Variants in ZNF541 observed in about 807,000 individuals in gnomAD.
The protein encoded by ZNF541 is zinc finger protein 541.
ZNF541 carries 23 observed loss-of-function variants against 123.5 expected under a neutral mutation model. The observed-to-expected ratio is 0.19, with a 90% confidence interval of 0.13 to 0.26. ZNF541 has a LOEUF of 0.26. ZNF541 is among the 10% of genes least tolerant of loss of function. The probability of loss-of-function intolerance (pLI) is 1.00; values close to 1 mark genes in which losing one functional copy is unlikely to be tolerated. For synonymous variants in ZNF541, 751 were observed against 754.5 expected (o/e 1.00, Z 0.08); for missense variants, 1,612 against 1,789.9 (o/e 0.90, Z 1.79).
chr19:47,529,164 A>G (rs1969446285), intron 13 of ZNF541, 126 bp from the exon 14 acceptor site: 1 of 708,016 alleles, frequency 1.4e-6, no homozygotes, highest in South Asian at 1.8e-5. Context: ...CCAATCTCAT[A>G]AAAAACTCAA....
At chr19:47,543,685 G>A (rs1970179488) in intron 5 of ZNF541, among the ~76,000 whole-genome samples, 1 of 150,576 alleles carries the variant, frequency 6.6e-6, no homozygotes, top group African/African-American at 2.4e-5. Context: ...CTGTTGCCCA[G>A]GCTGGAGTGC....
intron 2 of ZNF541, among the ~76,000 whole-genome samples, chr19:47,569,082 C>T (rs1971377729): frequency 6.6e-6 from 1 of 151,860 alleles, no homozygotes; most frequent in Non-Finnish European, 1.5e-5. Context: ...TTTCACCTTC[C>T]TATATGGATT....
rs1370569707 is a variant in ZNF541 at position 47,540,189 on chromosome 19, T to G, written c.2609A>C (p.Lys870Thr). The G allele has an allele frequency of 2.6e-6, 4 of 1,550,794 alleles. No individual in the cohort carries two copies. The Admixed American group carries it at 5.9e-5, about 23-fold the overall frequency. ...GTCCCCCTTCACCTGCGGTTCCTGC[T>G]TCCCTCGAGGTGACGGCCACTGGTC... ...HSDQWPSPRG[K>T]QEPQVFGTEF... Residue 870 changes from lysine (K) to threonine (T), a missense_variant, in exon 7 of 17, where the codon AAG (lysine) becomes ACG (threonine). Around this residue, in one of 5 missense-constraint regions of ZNF541, gnomAD observed 1,080 missense variants for 1,013.8 expected, o/e 1.07. Transcript: ENST00000391901.
chr19:47,523,339 TAAAAAA>T (rs75366644), intron 14 of ZNF541, among the ~76,000 whole-genome samples: 5 of 105,728 alleles, frequency 4.7e-5, no homozygotes, highest in South Asian at 2.9e-4. Context: ...GCGTCTCTTT[TAAAAAA>T]AAAAAAAAAA....
Position 47,544,530 on chromosome 19 carries a change from G to A in ZNF541, c.1999C>T (p.Pro667Ser). The change falls in exon 5 of 17, where the codon CCT becomes TCT. Residue 667 changes from proline to serine, a missense_variant. Physicochemically the swap from Pro to Ser is moderately conservative, Grantham distance 74 (BLOSUM62 -1). Coordinates refer to ENST00000391901, the MANE Select transcript of ZNF541 (RefSeq NM_001277075.3). ...GAAGAGATGTCTGGATTCCTGGAAG[G>A]GTCCAGAGACGGTGCTGCAAGGGGC... is the stretch of plus-strand genomic sequence containing the variant. ...PTPLAAPSLDPSRNPDISSLA... is the reference protein window; with the variant it reads ...PTPLAAPSLDSSRNPDISSLA... 1.3e-6 allele frequency: 2 copies of A among 1,551,612 alleles called. No homozygotes were observed. The highest frequency in any genetic ancestry group is 1.7e-6 in the Non-Finnish European group (2 of 1,146,992).
chr19:47,539,599 G>T, intron 8 of ZNF541, 106 bp downstream of exon 8: 1 of 1,255,244 alleles, frequency 8.0e-7, no homozygotes, highest in Non-Finnish European at 1.0e-6. Flanking sequence ...ACCACATCCA[G>T]CCTGGAGTCA....
At chr19:47,558,403 G>A (rs1356384103) in intron 2 of ZNF541, among the ~76,000 whole-genome samples, 3 of 151,548 alleles carry the variant, frequency 2.0e-5, no homozygotes, top group Admixed American at 6.6e-5. Flanking sequence ...GCAACAGAGC[G>A]AGACTCCATC....
intron 3 of ZNF541, among the ~76,000 whole-genome samples, chr19:47,554,911 T>A (rs1970750590): frequency 6.6e-6 from 1 of 151,186 alleles, no homozygotes; most frequent in Admixed American, 6.6e-5. Flanking sequence ...CTGGCCAATA[T>A]GATGAAACCC....
chr19:47,529,572 G>A lies in ZNF541; in HGVS notation c.3481+5C>T, dbSNP rs62128692. On this transcript the variant is annotated splice_donor_5th_base_variant and intron_variant, in intron 13 of 16. Transcript: ENST00000391901. ...CAAACCAGCTCAGCAGCCTTTCCCC[G>A]TCACCTGTGTAGCGATAGTCAGCGA... 32,467 of 1,551,456 alleles carry A rather than the reference G, an allele frequency of 0.021. 501 individuals are homozygous for A. The highest frequency in any genetic ancestry group is 0.062 in the Admixed American group (3,141 of 50,972).
intron 3 of ZNF541, among the ~76,000 whole-genome samples, chr19:47,550,468 T>C (rs933259757): frequency 6.6e-6 from 1 of 152,010 alleles, no homozygotes; most frequent in Non-Finnish European, 1.5e-5. Context: ...AAGAATCAGA[T>C]GGACTAGTAG....
chr19:47,549,149 C>A lies in ZNF541; in HGVS notation c.548+96G>T, dbSNP rs1025608174. On this transcript the variant is annotated intron_variant, in intron 4 of 16. Transcript: ENST00000391901. ...CTGGAAAACCCAACAGAGGACGAGA[C>A]AGCAGGTTGATCTGGGAGAATAGGA... 5 of 1,503,116 alleles carry A rather than the reference C, an allele frequency of 3.3e-6. No homozygotes were observed. The African/African-American group carries it at 6.9e-5, about 21-fold the overall frequency. The allele number at this position is 1,503,116 out of a possible 1,614,324, so 93.1% of individuals were successfully genotyped here.
chr19:47,539,357 T>G (rs1969976757), intron 8 of ZNF541, among the ~76,000 whole-genome samples: 1 of 149,898 alleles, frequency 6.7e-6, no homozygotes, highest in South Asian at 2.1e-4. Context: ...TAGAGTGCAG[T>G]GTTGTGATCT....
At chr19:47,571,275 A>G (rs779487452) in intron 2 of ZNF541, among the ~76,000 whole-genome samples, 14 of 151,776 alleles carry the variant, frequency 9.2e-5, no homozygotes, top group Non-Finnish European at 1.8e-4. Flanking sequence ...ACCACATCCA[A>G]CTAATTTTTT....
At chr19:47,571,604 C>T (rs1255680058) in intron 2 of ZNF541, among the ~76,000 whole-genome samples, 1 of 152,214 alleles carries the variant, frequency 6.6e-6, no homozygotes, top group Non-Finnish European at 1.5e-5. Flanking sequence ...CTTCCCTTTA[C>T]CTGTGCCTTA....
rs1043813262 is a variant in ZNF541 at position 47,546,015 on chromosome 19, C to A, written c.549-35G>T. ...GACACAAGCAGGGGCGTCACCGGGG[C>A]ACCTGGGACCGGGCTTTCTGCTGTA... On this transcript the variant is annotated intron_variant, in intron 4 of 16. Coordinates refer to ENST00000391901, the MANE Select transcript of ZNF541 (RefSeq NM_001277075.3). The A allele has an allele frequency of 4.2e-6, 6 of 1,436,362 alleles. No individual in the cohort carries two copies. In the African/African-American group the frequency reaches 5.8e-5, roughly 14 times the overall value. 89.0% of individuals were successfully genotyped at this position (1,436,362 alleles called of 1,614,324 possible). A position where few individuals can be genotyped will look rare whatever the true frequency, so the allele number is the denominator to read the frequency against.
In ZNF541 at chr19:47,544,578, G is replaced by C. The variant is rs1226382443; in HGVS notation, c.1951C>G (p.Leu651Val). 3 of 1,551,260 alleles carry C rather than the reference G, an allele frequency of 1.9e-6. No homozygotes were observed. The highest frequency in any genetic ancestry group is 1.7e-6 in the Non-Finnish European group (2 of 1,146,940). Residue 651 changes from leucine (L) to valine (V), a missense_variant, in exon 5 of 17, where the codon CTG becomes GTG. Coordinates refer to ENST00000391901, the MANE Select transcript of ZNF541 (RefSeq NM_001277075.3). ...GSTRRDAKGG[L>V]KVAAVPTPLA... ...GGCGTTGGAACCGCGGCCACTTTCA[G>C]TCCCCCCTTTGCGTCTCGTCTCGTG... is the stretch of plus-strand genomic sequence containing the variant.
At position 47,545,306 on chromosome 19, in the gene ZNF541, G is replaced by A. The variant is rs550450779; in HGVS notation, c.1223C>T (p.Pro408Leu). The A allele has an allele frequency of 3.5e-4, 538 of 1,549,600 alleles. No individual in the cohort carries two copies. In the African/African-American group the frequency reaches 6.4e-3, roughly 18 times the overall value. The change falls in exon 5 of 17, where the codon CCA becomes CTA. Residue 408 changes from proline (P) to leucine (L), a missense_variant. Physicochemically the swap from Pro to Leu is moderately conservative, Grantham distance 98. This residue lies in a region of ZNF541 where 1,080 missense variants were observed against 1,013.8 expected (regional missense o/e 1.07). Coordinates refer to ENST00000391901, the MANE Select transcript of ZNF541 (RefSeq NM_001277075.3). This position sits in a 1 kb window ranked among gnomAD's most constrained non-coding sequence, Gnocchi z 7.5. ...GAGCCACTGGAAGCTGTGGCTCGAT[G>A]GCTGGGAACTGGCAGGGACCGTCTG... is the stretch of plus-strand genomic sequence containing the variant. ...RGQTVPASSQ[P>L]SSHSFQWLRN...
At chr19:47,530,510 A>G (rs1255280544) in intron 12 of ZNF541, among the ~76,000 whole-genome samples, 2 of 151,828 alleles carry the variant, frequency 1.3e-5, no homozygotes, top group African/African-American at 4.8e-5. Flanking sequence ...CTTTCCTAAA[A>G]TGTAAGCCCC....
At chr19:47,528,753 C>A (rs1055568221) in intron 14 of ZNF541, among the ~76,000 whole-genome samples, 197 bp downstream of exon 14, 1 of 152,126 alleles carries the variant, frequency 6.6e-6, no homozygotes, top group Non-Finnish European at 1.5e-5. Context: ...GAAGACTGTT[C>A]TGTGCAGGTG....
Sources: allele counts gnomAD v4.1 joint callset (sites outside exome capture counted in the v4.1 genomes callset), GRCh38; gene constraint gnomAD v4.1.1; regional missense constraint gnomAD v4.1.1; non-coding constraint Gnocchi (gnomAD v3.1); transcripts MANE v1.5; gene names NCBI Gene and HGNC (gene_info 2026-07-23, HGNC 2026-07-21).